Variants in TYW1 observed in about 807,000 individuals in gnomAD.
The protein encoded by TYW1 is S-adenosyl-L-methionine-dependent tRNA 4-demethylwyosine synthase TYW1.
In TYW1, 46 loss-of-function variants were observed where a neutral mutation model predicts 96.2. The observed-to-expected ratio is 0.48, with a 90% CI of 0.38 to 0.61. The LOEUF (loss-of-function observed/expected upper bound fraction) is 0.61, where lower values mean the gene tolerates loss of function less well. Ranked by LOEUF, TYW1 falls within the 20% of genes least tolerant of loss-of-function variation. TYW1 has a pLI of 0.00. For synonymous variants in TYW1, 274 were observed against 323.0 expected, an observed-to-expected ratio of 0.85 and a Z score of 1.63; for missense variants, 684 against 909.6, an observed-to-expected ratio of 0.75 and a Z score of 3.19.
intron 9 of TYW1, among the ~76,000 whole-genome samples, chr7:67,065,601 AC>A (rs200243281): frequency 0.042 from 6,070 of 145,996 alleles, 178 homozygotes; most frequent in Middle Eastern, 0.11. Context: ...TTCCCTTCAC[AC>A]CTTTTTTTCA....
At chr7:67,222,204 TAAAAA>T (rs1300164666) in intron 15 of TYW1, among the ~76,000 whole-genome samples, 17 of 151,948 alleles carry the variant, frequency 1.1e-4, no homozygotes, top group African/African-American at 3.1e-4. Context: ...CTCAAAAAAA[TAAAAA>T]GAAAAGAAAA....
rs372125701 is a variant in TYW1 at position 67,018,137 on chromosome 7, C to G, written c.855C>G (p.Asp285Glu). The G allele has an allele frequency of 1.2e-6, 2 of 1,612,718 alleles. No individual in the cohort carries two copies. The highest frequency in any genetic ancestry group is 2.7e-5 in the African/African-American group (2 of 74,848). ...AGCAGGATGAATTGCATCATAGAGA[C>G]ACCGAGGTATACCGCCTGTGTGTTC... ...SHEQDELHHR[D>E]TEEEEPFESS... Residue 285 changes from aspartate to glutamate, a missense_variant, in exon 6 of 16, where the codon GAC becomes GAG. Physicochemically the swap from Asp to Glu is conservative, Grantham distance 45. Coordinates refer to ENST00000359626, the MANE Select transcript of TYW1 (RefSeq NM_018264.4).
chr7:67,136,671 GTGTGTGTGTGTGTGTA>G (rs991905229), intron 13 of TYW1, among the ~76,000 whole-genome samples: 7 of 149,814 alleles, frequency 4.7e-5, no homozygotes, highest in African/African-American at 1.5e-4. Context: ...GTGTGTGTGT[GTGTGTGTGTGTGTGTA>G]TATATATATA....
At chr7:67,078,937 G>A (rs1243309139) in intron 10 of TYW1, among the ~76,000 whole-genome samples, 13 of 151,882 alleles carry the variant, frequency 8.6e-5, no homozygotes, top group Non-Finnish European at 1.5e-4. Context: ...TTCATGATCC[G>A]CCCACCTTGG....
At chr7:67,025,066 G>A in intron 7 of TYW1, 44 bp downstream of exon 7, 2 of 1,610,642 alleles carry the variant, frequency 1.2e-6, no homozygotes, top group Non-Finnish European at 1.7e-6. Flanking sequence ...CCCGCAGTTG[G>A]TTAACATTTA....
intron 7 of TYW1, among the ~76,000 whole-genome samples, chr7:67,042,190 CTAAT>C (rs1351033525): frequency 4.7e-5 from 7 of 147,502 alleles, no homozygotes; most frequent in African/African-American, 1.2e-4. Context: ...ATAATATTAA[CTAAT>C]TATTTCAATA....
chr7:67,130,096 A>G (rs891644047), intron 13 of TYW1, among the ~76,000 whole-genome samples: 8 of 151,312 alleles, frequency 5.3e-5, no homozygotes, highest in African/African-American at 9.7e-5. Context: ...AGAAGTAATT[A>G]TAGGCCGTGC....
intron 13 of TYW1, among the ~76,000 whole-genome samples, chr7:67,160,075 TAC>T (rs1172070224): frequency 6.6e-6 from 1 of 152,186 alleles, no homozygotes; most frequent in Non-Finnish European, 1.5e-5. Context: ...GTGCTGGGAT[TAC>T]AGACATGAGC....
intron 15 of TYW1, among the ~76,000 whole-genome samples, chr7:67,230,499 A>G (rs562258086): frequency 7.4e-4 from 113 of 152,052 alleles, no homozygotes; most frequent in African/African-American, 2.6e-3. Context: ...ACCCTCCTCA[A>G]ACACAAACAC....
At chr7:66,997,995 C>T in intron 1 of TYW1, 70 bp from the exon 2 acceptor site, 2 of 1,489,526 alleles carry the variant, frequency 1.3e-6, no homozygotes, top group Non-Finnish European at 1.8e-6. Flanking sequence ...TTATTTTCTT[C>T]TTAAAATTGG....
chr7:67,057,434 A>G (rs570078091), intron 9 of TYW1, among the ~76,000 whole-genome samples: 152 of 151,504 alleles, frequency 1.0e-3, no homozygotes, highest in African/African-American at 3.1e-3. Context: ...CAGTGGTGCA[A>G]TCTTGTATCA....
Position 67,093,073 on chromosome 7 carries a change from G to A in TYW1, c.1385-5468G>A, listed in dbSNP as rs55822195. Among the ~76,000 whole-genome samples the A allele has an allele frequency of 5.5e-3, 832 of 152,188 alleles. 6 individuals carry two copies. The highest frequency in any genetic ancestry group is 0.012 in the Admixed American group (184 of 15,274). On this transcript the variant is annotated intron_variant, in intron 11 of 15. Transcript: ENST00000359626. The stretch of plus-strand genomic sequence containing the variant: ...TCCTAGCACCTGAGGAGGCAGAGGT[G>A]GGAGGGTCACCTGAGCCCAGGAGAT...
rs748381901 is a variant in TYW1 at position 67,018,113 on chromosome 7, G to A, written c.831G>A (p.Glu277=). Residue 277 remains glutamate, a synonymous_variant, in exon 6 of 16, where the codon GAG becomes GAA. Transcript: ENST00000359626. ...AGGAGAGGGAGGAAGGATCTCATGA[G>A]CAGGATGAATTGCATCATAGAGACA... ...GSEEREEGSH[E]QDELHHRDTE... is the part of the protein sequence containing the mutation. 2 of 1,614,084 alleles carry A rather than the reference G, an allele frequency of 1.2e-6. No individual in the cohort carries two copies. The highest frequency in any genetic ancestry group is 4.5e-5 in the East Asian group (2 of 44,868).
At chr7:67,091,415 G>T (rs1796716914) in intron 11 of TYW1, among the ~76,000 whole-genome samples, 1 of 146,702 alleles carries the variant, frequency 6.8e-6, no homozygotes, top group Non-Finnish European at 1.5e-5. Context: ...GGCCTGTCAT[G>T]GGTTGGGGGG....
chr7:67,132,257 G>T (rs531671272), intron 13 of TYW1, among the ~76,000 whole-genome samples: 11 of 151,076 alleles, frequency 7.3e-5, no homozygotes, highest in African/African-American at 2.5e-4. Context: ...GACAATAGGT[G>T]TCCGCCACTG....
chr7:67,184,721 TTTTTGAG>T (rs1799967473), intron 14 of TYW1, among the ~76,000 whole-genome samples: 1 of 147,282 alleles, frequency 6.8e-6, no homozygotes, highest in African/African-American at 2.6e-5. Flanking sequence ...ATGTTATGGT[TTTTTGAG>T]ATGAAGTCTC....
chr7:67,205,386 C>CG (rs528670735), intron 15 of TYW1, among the ~76,000 whole-genome samples: 7,807 of 139,062 alleles, frequency 0.056, 253 homozygotes, highest in Non-Finnish European at 0.08. Context: ...AGGATGGAGG[C>CG]GGGGGGGGGG....
intron 15 of TYW1, among the ~76,000 whole-genome samples, chr7:67,221,572 A>G (rs1801392321): frequency 6.6e-6 from 1 of 152,114 alleles, no homozygotes; most frequent in South Asian, 2.1e-4. Context: ...TCATTTTCTG[A>G]ATATTGTCTT....
intron 15 of TYW1, among the ~76,000 whole-genome samples, chr7:67,217,820 T>C (rs10272424): frequency 0.26 from 37,979 of 146,646 alleles, 5,486 homozygotes; most frequent in African/African-American, 0.35. Context: ...ATTGGATATG[T>C]AGATAACTTT....
Sources: gnomAD v4.1 joint callset for allele counts (sites outside exome capture counted in the v4.1 genomes callset) on GRCh38, gnomAD v4.1.1 for gene constraint, MANE v1.5 for transcripts, NCBI Gene and HGNC (gene_info 2026-07-23, HGNC 2026-07-21) for gene names.